Variants in CCDC178 observed in about 807,000 individuals in gnomAD.
The protein encoded by CCDC178 is coiled-coil domain-containing protein 178.
In CCDC178, 126 loss-of-function variants were observed where a neutral mutation model predicts 117.4. The observed-to-expected ratio is 1.07, with a 90% CI of 0.93 to 1.24. CCDC178 has a LOEUF of 1.24. Ranked by LOEUF, CCDC178 falls within the 50% of genes most tolerant of loss-of-function variation. The pLI, the probability that CCDC178 is intolerant of heterozygous loss-of-function variation, is 0.00. For synonymous variants in CCDC178, 283 were observed against 313.4 expected, an observed-to-expected ratio of 0.90 and a Z score of 1.02; for missense variants, 1,030 against 986.9, an observed-to-expected ratio of 1.04 and a Z score of -0.59.
rs114812958 is a variant in CCDC178, at chr18:33,290,092, T to C, written c.1176+3067A>G. Among the ~76,000 whole-genome samples, 1,110 of 152,238 alleles carry C rather than the reference T, an allele frequency of 7.3e-3. 9 individuals are homozygous for C. The highest frequency in any genetic ancestry group is 0.026 in the African/African-American group (1,060 of 41,546). ...TATTTTAATTCATCTCTTACAGTAA[T>C]TGATAGAAGTGTCAGAAAATAAACC... On this transcript the variant is annotated intron_variant, in intron 12 of 22. Coordinates refer to ENST00000383096, the MANE Select transcript of CCDC178 (RefSeq NM_001105528.4).
In CCDC178 at chr18:33,223,176, T is replaced by C. The variant is rs906262585; in HGVS notation, c.1862A>G (p.Lys621Arg). ...TAATTTTTTCTTTACTTTTCCCACC[T>C]TTCTTCTAATAAGATCTTTCTGATC... ...IIDQKDLIRR[K>R]VGKVKKKLRK... Residue 621 changes from lysine to arginine, a missense_variant, in exon 18 of 23, where the codon AAG (lysine) becomes AGG (arginine). Physicochemically the swap from Lys to Arg is conservative, Grantham distance 26. Transcript: ENST00000383096. 1 of 1,608,050 alleles carries C rather than the reference T, an allele frequency of 6.2e-7. No individual in the cohort carries two copies. The highest frequency in any genetic ancestry group is 8.5e-7 in the Non-Finnish European group (1 of 1,176,618).
intron 21 of CCDC178, among the ~76,000 whole-genome samples, chr18:32,997,961 G>T (rs917141737): frequency 3.9e-5 from 6 of 152,190 alleles, no homozygotes; most frequent in Non-Finnish European, 7.3e-5. Flanking sequence ...CTCCCGACAG[G>T]AGCATCAAAT....
rs189630988 is a variant in CCDC178, at chr18:32,949,701, T to C, written c.2524-11610A>G. ...CTTCTTTATCAGTTCTGTGTCAGTT[T>C]TAATTGATTGGTTTTTCTCTCCTAA... On this transcript the variant is annotated intron_variant, in intron 22 of 22. Transcript: ENST00000383096. Among the ~76,000 whole-genome samples the C allele has an allele frequency of 3.4e-3, 513 of 152,284 alleles. 3 individuals are homozygous for C. Among genetic ancestry groups the C allele is most frequent in the African/African-American group, 0.012 (486 of 41,574 alleles).
intron 6 of CCDC178, 63 bp from the exon 7 acceptor site, chr18:33,356,409 G>A (rs1345685575): frequency 5.1e-6 from 7 of 1,359,584 alleles, no homozygotes; most frequent in African/African-American, 4.5e-5. Flanking sequence ...CTGAATAAAT[G>A]TCACTTAAAC....
At chr18:33,057,953 C>T (rs2056858690) in intron 21 of CCDC178, among the ~76,000 whole-genome samples, 1 of 152,104 alleles carries the variant, frequency 6.6e-6, no homozygotes, top group South Asian at 2.1e-4. Flanking sequence ...AGTGGGGTAG[C>T]ACTTCTCACC....
At chr18:33,319,984 C>CA (rs1188908659) in intron 11 of CCDC178, among the ~76,000 whole-genome samples, 33 of 152,190 alleles carry the variant, frequency 2.2e-4, no homozygotes, top group Admixed American at 1.0e-3. Context: ...GAACCAATGA[C>CA]AAAAAATCAC....
chr18:32,962,344 C>T (rs1314720316), intron 22 of CCDC178, among the ~76,000 whole-genome samples: 3 of 151,954 alleles, frequency 2.0e-5, no homozygotes. Context: ...TTTCTCATAG[C>T]TATTCTTCTT....
In CCDC178 at chr18:32,954,835, G is replaced by T. The variant is rs568250867; in HGVS notation, c.2524-16744C>A. On this transcript the variant is annotated intron_variant, in intron 22 of 22. Coordinates refer to ENST00000383096, the MANE Select transcript of CCDC178 (RefSeq NM_001105528.4). ...GGGAAGAAAAGAATGAATGGTGTAAGACAGTGTTTTGTTGAATTTCCAAGC... is the reference window on the plus strand; with the variant it reads ...GGGAAGAAAAGAATGAATGGTGTAATACAGTGTTTTGTTGAATTTCCAAGC... Among the ~76,000 whole-genome samples, 10 of 152,194 alleles carry T rather than the reference G, an allele frequency of 6.6e-5. No individual in the cohort carries two copies. In the East Asian group the frequency reaches 1.7e-3, roughly 27 times the overall value.
chr18:32,963,807 T>C (rs1022108100), intron 22 of CCDC178, among the ~76,000 whole-genome samples: 1 of 151,984 alleles, frequency 6.6e-6, no homozygotes, highest in Admixed American at 6.6e-5. Context: ...AGACAGAGAG[T>C]ATGTCTTCTA....
chr18:33,398,383 T>A (rs2063667549), intron 3 of CCDC178, among the ~76,000 whole-genome samples: 1 of 152,158 alleles, frequency 6.6e-6, no homozygotes, highest in South Asian at 2.1e-4. Context: ...TTAAAAAATT[T>A]AGATTCAAAC....
intron 21 of CCDC178, among the ~76,000 whole-genome samples, chr18:33,008,875 C>T (rs939641609): frequency 1.3e-5 from 2 of 152,068 alleles, no homozygotes; most frequent in African/African-American, 4.8e-5. Flanking sequence ...AACTCCAGAC[C>T]TGTTTATCAA....
chr18:33,333,133 A>T, intron 10 of CCDC178, 41 bp downstream of exon 10: 2 of 1,258,588 alleles, frequency 1.6e-6, no homozygotes. Context: ...TTGCATAACT[A>T]AGTAATAATT....
At chr18:33,037,923 T>TA (rs1490973230) in intron 21 of CCDC178, among the ~76,000 whole-genome samples, 13 of 152,082 alleles carry the variant, frequency 8.5e-5, no homozygotes, top group African/African-American at 3.1e-4. Flanking sequence ...TCTACTGCAA[T>TA]CAATCTATAA....
intron 20 of CCDC178, among the ~76,000 whole-genome samples, chr18:33,156,735 G>C (rs930842262): frequency 6.6e-6 from 1 of 151,384 alleles, no homozygotes; most frequent in Admixed American, 6.6e-5. Flanking sequence ...ATTTTGGCAA[G>C]AGCTGGAGTT....
chr18:33,400,628 A>G (rs949316335), intron 3 of CCDC178, among the ~76,000 whole-genome samples: 2 of 152,330 alleles, frequency 1.3e-5, no homozygotes, highest in Admixed American at 6.5e-5. Flanking sequence ...AGAACTGAAT[A>G]GAGTTAGGGC....
At chr18:32,945,132 T>C (rs2054317601) in intron 22 of CCDC178, among the ~76,000 whole-genome samples, 1 of 152,214 alleles carries the variant, frequency 6.6e-6, no homozygotes, top group African/African-American at 2.4e-5. Flanking sequence ...TTGTCAATGC[T>C]GTATATGCTT....
intron 20 of CCDC178, among the ~76,000 whole-genome samples, chr18:33,171,259 G>A (rs1308925275): frequency 6.6e-6 from 1 of 152,168 alleles, no homozygotes; most frequent in Non-Finnish European, 1.5e-5. Context: ...GGGAAACCTG[G>A]TCAATTCAGT....
chr18:33,261,363 T>G (rs112423398), intron 14 of CCDC178, among the ~76,000 whole-genome samples: 10,224 of 152,112 alleles, frequency 0.067, 516 homozygotes, highest in African/African-American at 0.14. Context: ...GACTACAGGC[T>G]TGAGCCACCA....
chr18:33,359,543 T>C (rs1397019775), intron 6 of CCDC178, among the ~76,000 whole-genome samples: 1 of 151,646 alleles, frequency 6.6e-6, no homozygotes, highest in Non-Finnish European at 1.5e-5. Context: ...ACTGCCTATC[T>C]GAAAAATCTG....
Sources: gnomAD v4.1 joint callset for allele counts (sites outside exome capture counted in the v4.1 genomes callset) on GRCh38, gnomAD v4.1.1 for gene constraint, MANE v1.5 for transcripts, NCBI Gene and HGNC (gene_info 2026-07-23, HGNC 2026-07-21) for gene names.